The following AGBL4 variants were observed in gnomAD, a reference collection of about 807,000 sequenced individuals.
AGBL4 encodes cytosolic carboxypeptidase 6.
AGBL4 carries 58 observed loss-of-function variants against 66.4 expected under a neutral mutation model. The ratio of observed to expected loss-of-function variants is 0.87; its 90% CI spans 0.71 to 1.09. The LOEUF is 1.09. AGBL4 is among the 50% of genes least tolerant of loss of function. The pLI, the probability that AGBL4 is intolerant of heterozygous loss-of-function variation, is 0.00. For synonymous variants in AGBL4, 234 were observed against 222.9 expected, an observed-to-expected ratio of 1.05 and a Z score of -0.44; for missense variants, 579 against 631.0, an observed-to-expected ratio of 0.92 and a Z score of 0.88.
chr1:48,709,436 T>C (rs986237589), intron 6 of AGBL4, among the ~76,000 whole-genome samples: 24 of 151,858 alleles, frequency 1.6e-4, no homozygotes, highest in African/African-American at 5.8e-4. Flanking sequence ...CAAAAACACA[T>C]ACACTAATCT....
chr1:49,402,599 C>CTTTTTTTTTTTTT (rs1645110276), intron 3 of AGBL4, among the ~76,000 whole-genome samples: 1 of 133,794 alleles, frequency 7.5e-6, no homozygotes. Context: ...TGGAGTTTTG[C>CTTTTTTTTTTTTT]TCTTGTTGCC....
In AGBL4 at chr1:49,960,079, C is replaced by T. The variant is rs563470539; in HGVS notation, c.34+63684G>A. On this transcript the variant is annotated intron_variant, in intron 1 of 13. Transcript: ENST00000371839. ...TACCTAGAGGGTACTATGCTTATTA[C>T]CATGGTGCTGAAATTATCTGTACAT... Among the ~76,000 whole-genome samples, 36 of 151,958 alleles carry T rather than the reference C, an allele frequency of 2.4e-4. 1 individual carries two copies. The South Asian group carries it at 7.5e-3, about 32-fold the overall frequency.
intron 7 of AGBL4, among the ~76,000 whole-genome samples, chr1:48,659,698 G>C (rs1646076646): frequency 6.6e-6 from 1 of 152,142 alleles, no homozygotes; most frequent in Non-Finnish European, 1.5e-5. Flanking sequence ...GGAAGAGCTG[G>C]GGCCCACAGT....
intron 3 of AGBL4, among the ~76,000 whole-genome samples, chr1:49,534,880 A>G (rs1651447366): frequency 6.6e-6 from 1 of 152,266 alleles, no homozygotes; most frequent in African/African-American, 2.4e-5. Flanking sequence ...CATATGGAGA[A>G]TCAGAAAAAT....
intron 3 of AGBL4, among the ~76,000 whole-genome samples, chr1:49,689,205 G>C (rs1218563249): frequency 6.6e-6 from 1 of 152,178 alleles, no homozygotes; most frequent in South Asian, 2.1e-4. Flanking sequence ...CATAGTTTGA[G>C]GTCTCAGATT....
At chr1:49,214,993 G>A (rs1264236956) in intron 4 of AGBL4, among the ~76,000 whole-genome samples, 2 of 152,034 alleles carry the variant, frequency 1.3e-5, no homozygotes, top group Non-Finnish European at 2.9e-5. Flanking sequence ...AAATTTGAGG[G>A]TCATGAAACA....
At position 48,877,781 on chromosome 1, in the gene AGBL4, G is replaced by A. The variant is rs554401778; in HGVS notation, c.595-10551C>T. On this transcript the variant is annotated intron_variant, in intron 5 of 13. Transcript: ENST00000371839. The stretch of plus-strand genomic sequence containing the variant: ...AACTCCCCTGTGTTGTTTGAATAAG[G>A]ATTAGGAGCACAGAGATAGGTGAAA... Among the ~76,000 whole-genome samples the A allele has an allele frequency of 8.5e-5, 13 of 152,130 alleles. No homozygotes were observed. The Middle Eastern group carries it at 0.01, about 119-fold the overall frequency.
intron 5 of AGBL4, among the ~76,000 whole-genome samples, chr1:49,005,654 G>C (rs1439130463): frequency 2.6e-5 from 4 of 152,064 alleles, no homozygotes; most frequent in Non-Finnish European, 4.4e-5. Context: ...CTTTATCATA[G>C]GCATGCATGA....
Position 48,615,525 on chromosome 1 carries a change from A to C in AGBL4, c.951+18968T>G, listed in dbSNP as rs141933021. Among the ~76,000 whole-genome samples the C allele has an allele frequency of 5.8e-4, 88 of 152,334 alleles. 1 individual carries two copies. The highest frequency in any genetic ancestry group is 3.4e-3 in the Middle Eastern group (1 of 294). On this transcript the variant is annotated intron_variant, in intron 9 of 13. Transcript: ENST00000371839. ...AAGTTCTTCAAAACCTTAAAAGTTC[A>C]GTTTTCTTCCCTTTAATCTCTTAAG... is the stretch of plus-strand genomic sequence containing the variant.
intron 4 of AGBL4, among the ~76,000 whole-genome samples, chr1:49,198,379 A>G (rs532649076): frequency 6.6e-6 from 1 of 152,196 alleles, no homozygotes; most frequent in East Asian, 1.9e-4. Context: ...CTTGCTTTGT[A>G]GCCCAGGCTG....
At chr1:49,177,160 C>A (rs1272970659) in intron 4 of AGBL4, among the ~76,000 whole-genome samples, 1 of 152,084 alleles carries the variant, frequency 6.6e-6, no homozygotes, top group Non-Finnish European at 1.5e-5. Flanking sequence ...TCAGACTCTG[C>A]CACTGAACTT....
chr1:49,951,697 TAG>T (rs947966203), intron 1 of AGBL4, among the ~76,000 whole-genome samples: 21 of 151,984 alleles, frequency 1.4e-4, no homozygotes, highest in African/African-American at 4.3e-4. Flanking sequence ...TTCTTTAAGA[TAG>T]AGAGAGACTC....
At chr1:49,880,692 T>C (rs1647210697) in intron 1 of AGBL4, among the ~76,000 whole-genome samples, 1 of 152,174 alleles carries the variant, frequency 6.6e-6, no homozygotes, top group African/African-American at 2.4e-5. Context: ...CTCCACCCAG[T>C]TTGAGCTTCC....
At chr1:48,667,627 A>G (rs1319040152) in intron 6 of AGBL4, among the ~76,000 whole-genome samples, 1 of 152,272 alleles carries the variant, frequency 6.6e-6, no homozygotes, top group African/African-American at 2.4e-5. Context: ...TTAGGCAGCA[A>G]TAGATAATAG....
chr1:49,123,203 T>G (rs574383578), intron 4 of AGBL4, among the ~76,000 whole-genome samples: 3 of 152,304 alleles, frequency 2.0e-5, no homozygotes, highest in Admixed American at 6.5e-5. Flanking sequence ...TAGTATCGTA[T>G]TATTTGATCT....
intron 1 of AGBL4, among the ~76,000 whole-genome samples, chr1:49,987,253 A>G (rs568928561): frequency 6.6e-6 from 1 of 152,190 alleles, no homozygotes; most frequent in South Asian, 2.1e-4. Flanking sequence ...CTCAATCATA[A>G]GAGTTTTGAA....
chr1:49,865,400 G>A (rs1220541331), intron 1 of AGBL4, among the ~76,000 whole-genome samples: 1 of 152,120 alleles, frequency 6.6e-6, no homozygotes, highest in Non-Finnish European at 1.5e-5. Context: ...GAAGAAGCAG[G>A]CAGGCATTTT....
chr1:48,744,557 C>T (rs1214827068), intron 6 of AGBL4, among the ~76,000 whole-genome samples: 1 of 152,170 alleles, frequency 6.6e-6, no homozygotes, highest in Admixed American at 6.5e-5. Flanking sequence ...CACTCACGGT[C>T]ATTTTTAGCA....
At chr1:49,983,308 C>G (rs1659226738) in intron 1 of AGBL4, among the ~76,000 whole-genome samples, 1 of 152,220 alleles carries the variant, frequency 6.6e-6, no homozygotes, top group Admixed American at 6.5e-5. Context: ...GGCACCAATG[C>G]ATTCTCCAGT....
Sources: allele counts gnomAD v4.1 joint callset (sites outside exome capture counted in the v4.1 genomes callset), GRCh38; gene constraint gnomAD v4.1.1; transcripts MANE v1.5; gene names NCBI Gene and HGNC (gene_info 2026-07-23, HGNC 2026-07-21).